PATJ: variants seen among roughly 807,000 people sequenced by gnomAD.
PATJ encodes the protein PATJ crumbs cell polarity complex component.
A neutral mutation model predicts 224.9 loss-of-function variants in PATJ; 190 were observed. The observed-to-expected ratio is 0.84, with a 90% confidence interval of 0.75 to 0.95. The LOEUF (loss-of-function observed/expected upper bound fraction) is 0.95, where lower values mean the gene tolerates loss of function less well. Ranked by LOEUF, PATJ falls within the 40% of genes least tolerant of loss-of-function variation. The pLI is 0.00. For synonymous variants in PATJ, 769 were observed against 820.3 expected, an observed-to-expected ratio of 0.94 and a Z score of 1.07; for missense variants, 2,121 against 2,270.3, an observed-to-expected ratio of 0.93 and a Z score of 1.34.
At chr1:62,124,392 C>G (rs1279969635) in intron 39 of PATJ, among the ~76,000 whole-genome samples, 1 of 152,084 alleles carries the variant, frequency 6.6e-6, no homozygotes, top group Non-Finnish European at 1.5e-5. Context: ...CAAAAGTAGA[C>G]TTTTATTTTG....
chr1:62,006,990 C>T (rs1646133003), intron 28 of PATJ, among the ~76,000 whole-genome samples: 1 of 152,160 alleles, frequency 6.6e-6, no homozygotes, highest in South Asian at 2.1e-4. Context: ...GCAACTGTAA[C>T]ACAATGGTAA....
intron 31 of PATJ, among the ~76,000 whole-genome samples, chr1:62,067,111 T>G (rs1656592014): frequency 6.7e-6 from 1 of 149,394 alleles, no homozygotes; most frequent in Non-Finnish European, 1.5e-5. Flanking sequence ...CCTCTCATAA[T>G]TCCTATTCTT....
At chr1:61,778,607 A>G (rs11207830) in intron 7 of PATJ, among the ~76,000 whole-genome samples, 104,001 of 151,970 alleles carry the variant, frequency 0.68, 35,768 homozygotes, top group East Asian at 0.88. Context: ...GTATATTGTA[A>G]CATACTGAAT....
At chr1:62,088,881 T>C (rs1253939186) in intron 33 of PATJ, among the ~76,000 whole-genome samples, 5 of 148,226 alleles carry the variant, frequency 3.4e-5, no homozygotes, top group Admixed American at 1.4e-4. Context: ...TATATATATA[T>C]ATATATTCAG....
At chr1:62,098,797 T>C (rs1661736891) in intron 33 of PATJ, among the ~76,000 whole-genome samples, 1 of 152,174 alleles carries the variant, frequency 6.6e-6, no homozygotes, top group Non-Finnish European at 1.5e-5. Context: ...TAGGGAAGCT[T>C]TTTAAAATTT....
intron 30 of PATJ, among the ~76,000 whole-genome samples, chr1:62,045,044 C>G (rs1480722083): frequency 6.6e-6 from 1 of 152,058 alleles, no homozygotes; most frequent in Non-Finnish European, 1.5e-5. Context: ...ATGGCGAAAC[C>G]CCGTCTCTAC....
At chr1:61,954,954 C>G (rs1010222818) in intron 27 of PATJ, among the ~76,000 whole-genome samples, 1 of 152,024 alleles carries the variant, frequency 6.6e-6, no homozygotes, top group African/African-American at 2.4e-5. Flanking sequence ...AGGGTTTCAC[C>G]ATGTTAGCCA....
Position 61,906,662 on chromosome 1 carries a change from C to G in PATJ, c.3382-1710C>G, listed in dbSNP as rs574417391. 2.6e-5 allele frequency among the ~76,000 whole-genome samples: 4 copies of G among 152,240 alleles called. No homozygotes were observed. In the East Asian group the frequency reaches 7.7e-4, roughly 29 times the overall value. ...CCAACCCCTTCCTTGCATGTGCTTCCTACTGTTGATCCTCTTTCCTTTCAC... is the reference window on the plus strand; with the variant it reads ...CCAACCCCTTCCTTGCATGTGCTTCGTACTGTTGATCCTCTTTCCTTTCAC... On this transcript the variant is annotated intron_variant, in intron 24 of 43. Transcript: ENST00000642238.
At chr1:61,910,798 T>C (rs2095092) in intron 25 of PATJ, among the ~76,000 whole-genome samples, 113,098 of 151,452 alleles carry the variant, frequency 0.75, 42,459 homozygotes, top group East Asian at 1. Context: ...CCTCCTGCCT[T>C]GGCCTCCCAA....
chr1:61,981,000 A>T (rs2149500869), intron 27 of PATJ, among the ~76,000 whole-genome samples: 1 of 152,232 alleles, frequency 6.6e-6, no homozygotes, highest in East Asian at 1.9e-4. Context: ...CAGAGATTAC[A>T]GGAAACCCCA....
intron 28 of PATJ, among the ~76,000 whole-genome samples, chr1:62,009,342 C>T (rs1646289886): frequency 6.6e-6 from 1 of 152,106 alleles, no homozygotes. Flanking sequence ...TTGTTTCCCG[C>T]ATATGTGAAA....
At chr1:61,802,440 T>C (rs1014838066) in intron 12 of PATJ, among the ~76,000 whole-genome samples, 1 of 151,934 alleles carries the variant, frequency 6.6e-6, no homozygotes, top group Non-Finnish European at 1.5e-5. Flanking sequence ...TATTAATTAT[T>C]TTATTTTATT....
At chr1:61,851,448 A>T (rs1662790623) in intron 17 of PATJ, among the ~76,000 whole-genome samples, 1 of 152,158 alleles carries the variant, frequency 6.6e-6, no homozygotes, top group African/African-American at 2.4e-5. Flanking sequence ...GCATTAAGCC[A>T]CGCAGCATGA....
At chr1:61,992,747 T>G (rs1645140885) in intron 28 of PATJ, among the ~76,000 whole-genome samples, 1 of 152,162 alleles carries the variant, frequency 6.6e-6, no homozygotes, top group Non-Finnish European at 1.5e-5. Context: ...TGCAGAGTAA[T>G]GAGAGTGTTT....
At chr1:61,786,320 A>G (rs769750852) in intron 7 of PATJ, among the ~76,000 whole-genome samples, 9 of 152,018 alleles carry the variant, frequency 5.9e-5, no homozygotes, top group African/African-American at 1.2e-4. Flanking sequence ...CTGTGCTGGC[A>G]GAATCATGAC....
At chr1:62,106,115 C>CACACACACACACACACACACACAT (rs140461579) in intron 33 of PATJ, among the ~76,000 whole-genome samples, 1 of 46,464 alleles carries the variant, frequency 2.2e-5, no homozygotes, top group Non-Finnish European at 4.0e-5. Context: ...CACACACACA[C>CACACACACACACACACACACACAT]ACACAAACAC....
intron 41 of PATJ, among the ~76,000 whole-genome samples, chr1:62,133,664 C>T (rs947144238): frequency 4.6e-5 from 7 of 151,546 alleles, no homozygotes; most frequent in African/African-American, 1.7e-4. Flanking sequence ...GCTTCTCAAA[C>T]TTTAGCACGC....
At position 62,121,242 on chromosome 1, in the gene PATJ, T is replaced by C. The variant is rs1255263207; in HGVS notation, c.4952T>C (p.Leu1651Pro). Residue 1651 changes from leucine (L) to proline (P), a missense_variant, in exon 38 of 44, where the codon CTG becomes CCG. By Grantham distance (98) the Leu-to-Pro change is moderately conservative. Coordinates refer to ENST00000642238, the MANE Select transcript of PATJ (RefSeq NM_001350145.3). ...HPSFAPVITG[L>P]QNLVGTKRVS... ...TCCTTCGCTCCTGTCATCACTGGCC[T>C]GCAAAACCTGGTTGGCACAAAAAGA... The C allele has an allele frequency of 2.5e-6, 4 of 1,613,686 alleles. No homozygotes were observed. Among genetic ancestry groups the C allele is most frequent in the Non-Finnish European group, 3.4e-6 (4 of 1,179,968 alleles).
chr1:61,894,331 T>C (rs946744131), intron 22 of PATJ, among the ~76,000 whole-genome samples: 2 of 151,984 alleles, frequency 1.3e-5, no homozygotes, highest in East Asian at 3.9e-4. Flanking sequence ...CTTGCAGTAA[T>C]GTCCATATTA....
Sources: gnomAD v4.1 joint callset for allele counts (sites outside exome capture counted in the v4.1 genomes callset) on GRCh38, gnomAD v4.1.1 for gene constraint, MANE v1.5 for transcripts, NCBI Gene and HGNC (gene_info 2026-07-23, HGNC 2026-07-21) for gene names.